CWC27: variants seen among roughly 807,000 people sequenced by gnomAD.
CWC27 encodes CWC27 spliceosome associated cyclophilin, also known as spliceosome-associated protein CWC27 homolog.
A neutral mutation model predicts 63.6 loss-of-function variants in CWC27; 47 were observed. The ratio of observed to expected loss-of-function variants is 0.74; its 90% CI spans 0.58 to 0.94. The LOEUF (loss-of-function observed/expected upper bound fraction) is 0.94, where lower values mean the gene tolerates loss of function less well. Ranked by LOEUF, CWC27 falls within the 40% of genes least tolerant of loss-of-function variation. The probability of loss-of-function intolerance (pLI) is 0.00; values close to 1 mark genes in which losing one functional copy is unlikely to be tolerated. For synonymous variants in CWC27, 175 were observed against 179.8 expected (o/e 0.97, Z 0.22); for missense variants, 495 against 554.3 (o/e 0.89, Z 1.07).
At chr5:64,808,044 C>G in intron 10 of CWC27, 1 of 1,328,774 alleles carries the variant, frequency 7.5e-7, no homozygotes, top group Non-Finnish European at 9.6e-7. Context: ...AGATTTTTGT[C>G]TCTTTTCTCT....
At chr5:64,990,267 T>TTTTTTTTTTTG (rs1749514081) in intron 13 of CWC27, among the ~76,000 whole-genome samples, 2 of 18,722 alleles carry the variant, frequency 1.1e-4, no homozygotes, top group Non-Finnish European at 2.0e-4. Context: ...TTTTTTTTTG[T>TTTTTTTTTTTG]TTTTTTTTTT....
chr5:64,795,046 C>A (rs1394751535), intron 7 of CWC27, among the ~76,000 whole-genome samples: 1 of 152,100 alleles, frequency 6.6e-6, no homozygotes, highest in African/African-American at 2.4e-5. Context: ...TATAGAAGGG[C>A]TTTTTCCTCA....
rs1744591377 is a variant in CWC27 at position 64,804,403 on chromosome 5, G to GA, written c.938+17_938+18insA. 9 of 1,576,740 alleles carry GA rather than the reference G, an allele frequency of 5.7e-6. No individual in the cohort carries two copies. Among genetic ancestry groups the GA allele is most frequent in the Admixed American group, 1.9e-5 (1 of 53,178 alleles). On this transcript the variant is annotated intron_variant, in intron 10 of 13. Coordinates refer to ENST00000381070, the MANE Select transcript of CWC27 (RefSeq NM_005869.4). ...CAGCCGCAGGTGAGTCAGTTACTGT[G>GA]CTAGATATCAGAGTTTTTGTCTTTT...
At chr5:64,983,414 C>G (rs1047527193) in intron 13 of CWC27, among the ~76,000 whole-genome samples, 2 of 152,138 alleles carry the variant, frequency 1.3e-5, no homozygotes, top group African/African-American at 4.8e-5. Flanking sequence ...AATAGACAAA[C>G]AAGTGTCTTA....
intron 11 of CWC27, among the ~76,000 whole-genome samples, chr5:64,886,622 A>T (rs902816623): frequency 3.9e-5 from 6 of 152,146 alleles, no homozygotes; most frequent in Non-Finnish European, 5.9e-5. Flanking sequence ...TTTAAGTAGC[A>T]TGAGTAATAC....
chr5:64,994,654 T>C (rs1051147463), intron 13 of CWC27, among the ~76,000 whole-genome samples: 2 of 151,844 alleles, frequency 1.3e-5, no homozygotes, highest in African/African-American at 4.8e-5. Flanking sequence ...TTCTAGCTAG[T>C]CCCCTCCCCA....
At chr5:64,899,620 A>G (rs1318575049) in intron 11 of CWC27, among the ~76,000 whole-genome samples, 2 of 152,242 alleles carry the variant, frequency 1.3e-5, no homozygotes, top group Non-Finnish European at 2.9e-5. Flanking sequence ...GGTATGTACC[A>G]GAAAGGGCCC....
chr5:64,926,887 G>T (rs192707275), intron 11 of CWC27, among the ~76,000 whole-genome samples: 1 of 152,132 alleles, frequency 6.6e-6, no homozygotes, highest in Non-Finnish European at 1.5e-5. Flanking sequence ...CTATGTAATA[G>T]CAATATTTAT....
At chr5:64,794,193 T>A (rs562731287) in intron 7 of CWC27, among the ~76,000 whole-genome samples, 1 of 152,244 alleles carries the variant, frequency 6.6e-6, no homozygotes, top group Non-Finnish European at 1.5e-5. Context: ...TAATCGTATC[T>A]TGAGTTCAGA....
intron 11 of CWC27, among the ~76,000 whole-genome samples, chr5:64,893,188 A>G (rs1747283102): frequency 6.6e-6 from 1 of 152,246 alleles, no homozygotes; most frequent in Non-Finnish European, 1.5e-5. Flanking sequence ...CAGTGTTCCC[A>G]TTTGGGAATG....
chr5:64,794,742 C>T lies in CWC27; in HGVS notation c.670-5506C>T, dbSNP rs950804092. 2.0e-5 allele frequency among the ~76,000 whole-genome samples: 3 copies of T among 152,016 alleles called. No individual in the cohort carries two copies. In the East Asian group the frequency reaches 5.8e-4, roughly 29 times the overall value. ...AATATTTTTATCTGGAATATTGCTC[C>T]CTTCATATTGCTTTCTTAAACAATG... On this transcript the variant is annotated intron_variant, in intron 7 of 13. Transcript: ENST00000381070.
chr5:64,812,703 T>A (rs1026096830), intron 10 of CWC27, among the ~76,000 whole-genome samples: 3 of 152,158 alleles, frequency 2.0e-5, no homozygotes, highest in South Asian at 4.1e-4. Context: ...TATATGTTAT[T>A]CGTGTTCCCA....
intron 11 of CWC27, among the ~76,000 whole-genome samples, chr5:64,899,900 A>C (rs1747462724): frequency 6.6e-6 from 1 of 152,228 alleles, no homozygotes; most frequent in South Asian, 2.1e-4. Context: ...ATCTTATTTA[A>C]ATGAAATCAT....
chr5:64,924,003 T>G (rs1048781188), intron 11 of CWC27, among the ~76,000 whole-genome samples: 2 of 152,164 alleles, frequency 1.3e-5, no homozygotes, highest in Admixed American at 1.3e-4. Flanking sequence ...TATACACTTT[T>G]TACCCACTTC....
rs397998002 is a variant in CWC27 at position 64,878,470 on chromosome 5, TAAAAAAAAAAA to T, written c.939-6953_939-6943del. On this transcript the variant is annotated intron_variant, in intron 10 of 13. Transcript: ENST00000381070. ...GTCAGCACTGTCCTGGGTTACAGATTAAAAAAAAAAAAAAAAAAAAAAAAAAAAAAGCACCT... is the reference window on the plus strand; with the variant it reads ...GTCAGCACTGTCCTGGGTTACAGATTAAAAAAAAAAAAAAAAAAAGCACCT... 3.0e-4 allele frequency among the ~76,000 whole-genome samples: 8 copies of T among 26,938 alleles called. No individual in the cohort carries two copies. In the South Asian group the frequency reaches 8.3e-3, roughly 28 times the overall value. The allele number at this position is 26,938 out of a possible 152,430, so 17.7% of individuals were successfully genotyped here. A position where few individuals can be genotyped will look rare whatever the true frequency, so the allele number is the denominator to read the frequency against.
At chr5:65,004,900 A>ATATG (rs2112469116) in intron 13 of CWC27, among the ~76,000 whole-genome samples, 1 of 81,034 alleles carries the variant, frequency 1.2e-5, no homozygotes, top group South Asian at 5.5e-4. Context: ...ATATATATAT[A>ATATG]TATATACATA....
intron 10 of CWC27, among the ~76,000 whole-genome samples, chr5:64,828,804 G>A (rs537473805): frequency 1.2e-4 from 18 of 151,990 alleles, no homozygotes. Flanking sequence ...AAGTTCCCAG[G>A]CCACTCACCA....
chr5:64,896,175 A>T (rs553852699), intron 11 of CWC27, among the ~76,000 whole-genome samples: 1 of 152,358 alleles, frequency 6.6e-6, no homozygotes, highest in Non-Finnish European at 1.5e-5. Context: ...TGATTTCTCA[A>T]CAGCAACAGG....
At chr5:64,986,787 T>G (rs1390580430) in intron 13 of CWC27, among the ~76,000 whole-genome samples, 1 of 152,146 alleles carries the variant, frequency 6.6e-6, no homozygotes, top group Non-Finnish European at 1.5e-5. Flanking sequence ...TCCTACCAGT[T>G]TATGGCTCCA....
Sources: gnomAD v4.1 joint callset for allele counts (sites outside exome capture counted in the v4.1 genomes callset) on GRCh38, gnomAD v4.1.1 for gene constraint, MANE v1.5 for transcripts, NCBI Gene and HGNC (gene_info 2026-07-23, HGNC 2026-07-21) for gene names.